RTF2: variants seen among roughly 807,000 people sequenced by gnomAD.
RTF2 encodes replication termination factor 2.
In RTF2, 18 loss-of-function variants were observed where a neutral mutation model predicts 38.0. The ratio of observed to expected loss-of-function variants is 0.47; its 90% CI spans 0.33 to 0.70. RTF2 has a LOEUF of 0.70. Ranked by LOEUF, RTF2 falls within the 30% of genes least tolerant of loss-of-function variation. The pLI, the probability that RTF2 is intolerant of heterozygous loss-of-function variation, is 0.02. For missense variants in RTF2, 311 were observed against 379.6 expected (o/e 0.82, Z 1.50); for synonymous variants, 126 against 137.1 (o/e 0.92, Z 0.57).
chr20:56,497,010 T>C (rs1353397069), intron 5 of RTF2: 1 of 1,551,758 alleles, frequency 6.4e-7, no homozygotes, highest in African/African-American at 1.4e-5. Flanking sequence ...ATTGATGACA[T>C]AGTTCCATTG....
intron 1 of RTF2, among the ~76,000 whole-genome samples, chr20:56,472,910 TG>T (rs1426896779): frequency 2.0e-5 from 3 of 152,156 alleles, no homozygotes; most frequent in African/African-American, 7.2e-5. Context: ...GTGGCTGAGA[TG>T]GGCGGATCAT....
chr20:56,473,691 C>A (rs1406308018), intron 2 of RTF2, among the ~76,000 whole-genome samples: 1 of 152,106 alleles, frequency 6.6e-6, no homozygotes, highest in Non-Finnish European at 1.5e-5. Context: ...CAAGACCAGT[C>A]TGGGCAATGT....
chr20:56,472,398 T>TG, intron 1 of RTF2: 1 of 1,538,640 alleles, frequency 6.5e-7, no homozygotes, highest in Non-Finnish European at 8.8e-7. Context: ...CGGGAAGGAG[T>TG]GGGACATGGA....
chr20:56,488,984 G>A (rs1359764286), intron 5 of RTF2, among the ~76,000 whole-genome samples: 2 of 152,096 alleles, frequency 1.3e-5, no homozygotes, highest in Non-Finnish European at 2.9e-5. Flanking sequence ...CTCCACTGAA[G>A]CCCAGTCTCA....
At chr20:56,511,756 T>C (rs1312697116) in intron 5 of RTF2, among the ~76,000 whole-genome samples, 1 of 151,972 alleles carries the variant, frequency 6.6e-6, no homozygotes, top group Non-Finnish European at 1.5e-5. Flanking sequence ...CATCGCCGAA[T>C]GTCCACTAGG....
chr20:56,469,953 C>A (rs960466524), intron 1 of RTF2, among the ~76,000 whole-genome samples: 6 of 152,220 alleles, frequency 3.9e-5, no homozygotes. Context: ...TCCACTGTAA[C>A]TGAAATGTGC....
chr20:56,471,823 G>A (rs1981987442), intron 1 of RTF2, among the ~76,000 whole-genome samples: 1 of 152,150 alleles, frequency 6.6e-6, no homozygotes, highest in South Asian at 2.1e-4. Context: ...ATCTTCAAAA[G>A]TAAAAATACT....
chr20:56,491,431 G>C, intron 5 of RTF2: 1 of 679,306 alleles, frequency 1.5e-6, no homozygotes, highest in Non-Finnish European at 2.6e-6. Context: ...CTTGTCAATA[G>C]CATGTTTCTG....
intron 1 of RTF2, among the ~76,000 whole-genome samples, chr20:56,472,115 G>C (rs1268862255): frequency 2.0e-5 from 3 of 152,184 alleles, no homozygotes; most frequent in African/African-American, 7.2e-5. Context: ...TAGCTACTTG[G>C]GAGGCTAAGG....
chr20:56,504,390 T>G (rs1984125339), intron 5 of RTF2: 1 of 152,200 alleles, frequency 6.6e-6, no homozygotes, highest in Admixed American at 6.5e-5. Flanking sequence ...ATCGTGGCAT[T>G]CATGGGTCAG....
chr20:56,480,861 A>G (rs1982494932), intron 4 of RTF2, among the ~76,000 whole-genome samples: 1 of 152,232 alleles, frequency 6.6e-6, no homozygotes, highest in Non-Finnish European at 1.5e-5. Flanking sequence ...TGGCACCCCA[A>G]AACAATTACA....
At chr20:56,516,302 A>G (rs1306475112) in intron 6 of RTF2, 4 of 152,132 alleles carry the variant, frequency 2.6e-5, no homozygotes, top group East Asian at 1.9e-4. Context: ...ATCAATTCCA[A>G]CGCAGCTGTG....
chr20:56,510,749 G>T (rs1341154558), intron 5 of RTF2, among the ~76,000 whole-genome samples: 2 of 152,174 alleles, frequency 1.3e-5, no homozygotes, highest in African/African-American at 4.8e-5. Flanking sequence ...AGACCAGCCT[G>T]AACAACATGG....
rs772661655 is a variant in RTF2 at position 56,495,252 on chromosome 20, C to G, written c.477+11063C>G. ...TTCCTCACTTTTCCGCTTAATGGCTCGAACATTTCCTTCCCAGCCAGCGTT... is the reference window on the plus strand; with the variant it reads ...TTCCTCACTTTTCCGCTTAATGGCTGGAACATTTCCTTCCCAGCCAGCGTT... On this transcript the variant is annotated intron_variant, in intron 5 of 8. Transcript: ENST00000357348. 2.2e-5 allele frequency: 34 copies of G among 1,551,412 alleles called. No homozygotes were observed. The South Asian group carries it at 3.9e-4, about 18-fold the overall frequency.
rs140372117 is a variant in RTF2, at chr20:56,497,754, A to G, written c.477+13565A>G. ...TACACTAAACTACATATACACACCC[A>G]TGAAACTGTCATTGCAATCAAGATA... On this transcript the variant is annotated intron_variant, in intron 5 of 8. Transcript: ENST00000357348. 5.5e-3 allele frequency: 2,311 copies of G among 421,374 alleles called. 61 individuals are homozygous for G. The highest frequency in any genetic ancestry group is 0.046 in the African/African-American group (2,184 of 47,948). The allele number at this position is 421,374 out of a possible 1,614,324, so 26.1% of individuals were successfully genotyped here.
intron 4 of RTF2, among the ~76,000 whole-genome samples, chr20:56,477,640 C>A (rs1045653918): frequency 6.6e-6 from 1 of 151,988 alleles, no homozygotes; most frequent in Non-Finnish European, 1.5e-5. Flanking sequence ...GCCTCAGCAT[C>A]CCAAAGTGCT....
chr20:56,513,224 G>C (rs551800202), intron 5 of RTF2, 91 bp from the exon 6 acceptor site: 1 of 1,493,402 alleles, frequency 6.7e-7, no homozygotes, highest in East Asian at 2.5e-5. Flanking sequence ...GAGCCTGGGG[G>C]CCACTGCTTG....
intron 5 of RTF2, chr20:56,495,200 A>G: frequency 6.5e-7 from 1 of 1,544,414 alleles, no homozygotes; most frequent in Non-Finnish European, 8.8e-7. Context: ...TTTTCTTTTT[A>G]CCTTTACATC....
intron 5 of RTF2, chr20:56,491,677 A>G (rs1475016782): frequency 3.2e-6 from 5 of 1,552,286 alleles, no homozygotes. Context: ...AGGTAACCAC[A>G]AGCGGGTCTG....
Sources: allele counts gnomAD v4.1 joint callset (sites outside exome capture counted in the v4.1 genomes callset), GRCh38; gene constraint gnomAD v4.1.1; transcripts MANE v1.5; gene names NCBI Gene and HGNC (gene_info 2026-07-23, HGNC 2026-07-21).